TRPC4: variants seen among roughly 807,000 people sequenced by gnomAD.
The protein encoded by TRPC4 is transient receptor potential cation channel subfamily C member 4.
Under a neutral mutation model 99.4 loss-of-function variants are expected in TRPC4, and 49 were observed. That is an observed-to-expected ratio of 0.49 (90% CI 0.39 to 0.63). TRPC4 has a LOEUF of 0.63. Ranked by LOEUF, TRPC4 falls within the 20% of genes least tolerant of loss-of-function variation. TRPC4 has a pLI of 0.00. For missense variants in TRPC4, 898 were observed against 1,152.9 expected (o/e 0.78, Z 3.20); for synonymous variants, 454 against 425.9 (o/e 1.07, Z -0.81).
chr13:37,842,343 C>T (rs9576386), intron 1 of TRPC4, among the ~76,000 whole-genome samples: 1,398 of 15,560 alleles, frequency 0.09, 73 homozygotes, highest in Middle Eastern at 0.33. Context: ...AGCGTCTAGC[C>T]AAAAAAAAAA....
chr13:37,812,921 C>G (rs1470909488), intron 1 of TRPC4, among the ~76,000 whole-genome samples: 1 of 151,504 alleles, frequency 6.6e-6, no homozygotes, highest in Non-Finnish European at 1.5e-5. Context: ...TAAAGAGAAA[C>G]AAAGATAAGC....
intron 3 of TRPC4, among the ~76,000 whole-genome samples, chr13:37,702,491 T>G (rs1255461080): frequency 6.6e-6 from 1 of 152,190 alleles, no homozygotes. Flanking sequence ...ATAACTTTGT[T>G]TATAACACTG....
chr13:37,752,558 T>C (rs1047880729), intron 2 of TRPC4, among the ~76,000 whole-genome samples: 3 of 151,708 alleles, frequency 2.0e-5, no homozygotes, highest in African/African-American at 7.3e-5. Flanking sequence ...ACCTAATCTC[T>C]CTCTAGAAAG....
intron 5 of TRPC4, among the ~76,000 whole-genome samples, chr13:37,667,123 C>T (rs1429099179): frequency 2.0e-5 from 3 of 152,142 alleles, no homozygotes; most frequent in Non-Finnish European, 4.4e-5. Flanking sequence ...GAGGTTCCTC[C>T]TAGAATCTTT....
intron 2 of TRPC4, among the ~76,000 whole-genome samples, chr13:37,779,122 G>T (rs1681680764): frequency 6.6e-6 from 1 of 151,948 alleles, no homozygotes; most frequent in Non-Finnish European, 1.5e-5. Flanking sequence ...GAAAAGCAAG[G>T]TCTGCTTCTG....
At chr13:37,664,442 C>A (rs897752956) in intron 5 of TRPC4, among the ~76,000 whole-genome samples, 2 of 151,802 alleles carry the variant, frequency 1.3e-5, no homozygotes, top group African/African-American at 2.4e-5. Context: ...GGTGTGGTGG[C>A]GGGCACCTGT....
chr13:37,828,972 G>T (rs1958330694), intron 1 of TRPC4, among the ~76,000 whole-genome samples: 1 of 152,006 alleles, frequency 6.6e-6, no homozygotes, highest in African/African-American at 2.4e-5. Context: ...TAAAATAAAA[G>T]TTAAGAAAAA....
intron 1 of TRPC4, among the ~76,000 whole-genome samples, chr13:37,816,077 A>T (rs1957845404): frequency 6.6e-6 from 1 of 151,876 alleles, no homozygotes; most frequent in Admixed American, 6.6e-5. Flanking sequence ...AATACAACAT[A>T]TCAGAATTTC....
chr13:37,828,230 C>T (rs1566203695), intron 1 of TRPC4, among the ~76,000 whole-genome samples: 2 of 152,202 alleles, frequency 1.3e-5, no homozygotes, highest in Admixed American at 6.5e-5. Flanking sequence ...AATCACCCGT[C>T]TTCTGCGTTG....
rs1297192121 is a variant in TRPC4, at chr13:37,692,459, TAAAC to T, written c.898-128_898-125del. On this transcript the variant is annotated intron_variant, in intron 3 of 10. Transcript: ENST00000379705. Reference sequence around the variant, plus strand: ...ATTCTGTTTCACATAATTTTACATTTAAACAATCAAAAGGCTTTAAGTCATTCTG... The same window carrying T: ...ATTCTGTTTCACATAATTTTACATTTAATCAAAAGGCTTTAAGTCATTCTG... 3 of 918,490 alleles carry T rather than the reference TAAAC, an allele frequency of 3.3e-6. No homozygotes were observed. In the Admixed American group the frequency reaches 8.7e-5, roughly 27 times the overall value. 56.9% of individuals were successfully genotyped at this position (918,490 alleles called of 1,614,324 possible).
At chr13:37,822,732 C>T (rs530413343) in intron 1 of TRPC4, among the ~76,000 whole-genome samples, 3,347 of 151,974 alleles carry the variant, frequency 0.022, 122 homozygotes, top group African/African-American at 0.077. Flanking sequence ...AATGAACATA[C>T]GTGTGCATGT....
chr13:37,736,768 A>T (rs1332240104), intron 3 of TRPC4, among the ~76,000 whole-genome samples: 3 of 152,046 alleles, frequency 2.0e-5, no homozygotes, highest in African/African-American at 7.2e-5. Flanking sequence ...TCACTCTGTC[A>T]CCCAGGCTGA....
At chr13:37,643,544 G>A (rs1008447356) in intron 8 of TRPC4, among the ~76,000 whole-genome samples, 6 of 152,226 alleles carry the variant, frequency 3.9e-5, no homozygotes, top group African/African-American at 1.4e-4. Context: ...AAGGGGAGGT[G>A]CACAGGTGTT....
At chr13:37,681,498 A>G (rs1290155755) in intron 4 of TRPC4, among the ~76,000 whole-genome samples, 3 of 151,976 alleles carry the variant, frequency 2.0e-5, no homozygotes, top group Non-Finnish European at 4.4e-5. Context: ...CACTTTTTAT[A>G]GTTCTAGTCA....
chr13:37,806,193 T>C (rs77557528), intron 1 of TRPC4, among the ~76,000 whole-genome samples: 4,526 of 152,052 alleles, frequency 0.03, 150 homozygotes, highest in Admixed American at 0.053. Context: ...GTACCAGAGG[T>C]GTCAGTCATA....
Position 37,783,101 on chromosome 13 carries a change from A to G in TRPC4, c.233T>C (p.Ile78Thr). The change falls in exon 2 of 11, where the codon ATT becomes ACT. Residue 78 changes from isoleucine (I) to threonine (T), a missense_variant. Ile to Thr is a moderately conservative substitution (Grantham distance 89, BLOSUM62 -1). This residue lies in a region of TRPC4 where 278 missense variants were observed against 346.6 expected (regional missense o/e 0.80). Coordinates refer to ENST00000379705, the MANE Select transcript of TRPC4 (RefSeq NM_016179.4). ...GATGAGCTCCAAGTTCTCATTTTCA[A>G]TTGCAATGAGGAGAGCAGTTCTTCC... ...PLGRTALLIA[I>T]ENENLELIEL... 1 of 1,613,456 alleles carries G rather than the reference A, an allele frequency of 6.2e-7. No homozygotes were observed. Among genetic ancestry groups the G allele is most frequent in the Non-Finnish European group, 8.5e-7 (1 of 1,179,744 alleles).
intron 8 of TRPC4, among the ~76,000 whole-genome samples, chr13:37,648,964 T>C (rs1951935175): frequency 6.6e-6 from 1 of 151,446 alleles, no homozygotes; most frequent in South Asian, 2.1e-4. Flanking sequence ...TGCCATTGCC[T>C]AAAATTAAAA....
intron 5 of TRPC4, among the ~76,000 whole-genome samples, chr13:37,666,846 C>A (rs551713361): frequency 1.4e-4 from 21 of 152,266 alleles, no homozygotes; most frequent in African/African-American, 4.8e-4. Flanking sequence ...AGCTTCCTCT[C>A]TTCTCATTCT....
At chr13:37,801,202 T>G (rs921656712) in intron 1 of TRPC4, among the ~76,000 whole-genome samples, 1 of 152,212 alleles carries the variant, frequency 6.6e-6, no homozygotes, top group African/African-American at 2.4e-5. Context: ...AAATTGTTTT[T>G]CCTAAATAAG....
Sources: allele counts gnomAD v4.1 joint callset (sites outside exome capture counted in the v4.1 genomes callset), GRCh38; gene constraint gnomAD v4.1.1; regional missense constraint gnomAD v4.1.1; transcripts MANE v1.5; gene names NCBI Gene and HGNC (gene_info 2026-07-23, HGNC 2026-07-21).